The following MDGA2 variants were observed in gnomAD, a reference collection of about 807,000 sequenced individuals.
The protein encoded by MDGA2 is MAM domain containing glycosylphosphatidylinositol anchor 2.
A neutral mutation model predicts 117.8 loss-of-function variants in MDGA2; 40 were observed. The observed-to-expected ratio is 0.34, with a 90% CI of 0.26 to 0.44. MDGA2 has a LOEUF of 0.44. Among genes scored for constraint, MDGA2 ranks in the 20% least tolerant of loss-of-function variants. The pLI is 1.00. For synonymous variants in MDGA2, 452 were observed against 439.0 expected, an observed-to-expected ratio of 1.03 and a Z score of -0.37; for missense variants, 1,123 against 1,250.6, an observed-to-expected ratio of 0.90 and a Z score of 1.54.
At chr14:46,922,475 T>C (rs1160248689) in intron 9 of MDGA2, among the ~76,000 whole-genome samples, 2 of 152,144 alleles carry the variant, frequency 1.3e-5, no homozygotes, top group East Asian at 1.9e-4. Context: ...TTAAATATGG[T>C]TTAAATACGG....
intron 15 of MDGA2, among the ~76,000 whole-genome samples, chr14:46,846,590 T>A (rs536151408): frequency 2.6e-5 from 4 of 152,238 alleles, no homozygotes; most frequent in Non-Finnish European, 5.9e-5. Context: ...TCAGAATCCT[T>A]TATTATTAAA....
intron 1 of MDGA2, among the ~76,000 whole-genome samples, chr14:47,372,695 TC>T: frequency 6.6e-6 from 1 of 151,984 alleles, no homozygotes; most frequent in Non-Finnish European, 1.5e-5. Context: ...GATTCAGTCA[TC>T]CTAATTTGGG....
At chr14:47,083,378 T>G (rs1890777849) in intron 6 of MDGA2, among the ~76,000 whole-genome samples, 1 of 151,798 alleles carries the variant, frequency 6.6e-6, no homozygotes, top group African/African-American at 2.4e-5. Context: ...AACATACACT[T>G]AAAAATACTA....
At chr14:47,347,682 T>C (rs1385413810) in intron 1 of MDGA2, among the ~76,000 whole-genome samples, 1 of 152,106 alleles carries the variant, frequency 6.6e-6, no homozygotes, top group African/African-American at 2.4e-5. Context: ...GGAATGGAGA[T>C]AAAGATTTGG....
At chr14:47,486,695 A>G (rs1268381177) in intron 1 of MDGA2, among the ~76,000 whole-genome samples, 1 of 152,106 alleles carries the variant, frequency 6.6e-6, no homozygotes, top group Non-Finnish European at 1.5e-5. Context: ...TGTTCTCATA[A>G]TAGCGAATGG....
chr14:46,898,967 C>T (rs577173518), intron 10 of MDGA2, among the ~76,000 whole-genome samples: 1 of 152,142 alleles, frequency 6.6e-6, no homozygotes, highest in Middle Eastern at 3.4e-3. Context: ...CTAACAGAAT[C>T]TCTGCCCCTC....
intron 1 of MDGA2, among the ~76,000 whole-genome samples, chr14:47,444,908 T>C (rs1893090023): frequency 6.6e-6 from 1 of 152,144 alleles, no homozygotes; most frequent in Non-Finnish European, 1.5e-5. Flanking sequence ...CATAACCTAA[T>C]TGAATAGTGA....
At chr14:47,283,116 C>T (rs1336688491) in intron 2 of MDGA2, among the ~76,000 whole-genome samples, 3 of 152,056 alleles carry the variant, frequency 2.0e-5, no homozygotes, top group African/African-American at 2.4e-5. Context: ...ATATTGAATG[C>T]TTATTTTAAA....
intron 1 of MDGA2, among the ~76,000 whole-genome samples, chr14:47,588,838 C>CA: frequency 6.6e-6 from 1 of 151,960 alleles, no homozygotes; most frequent in East Asian, 1.9e-4. Context: ...CAGTTCTAGG[C>CA]AAAATGGATC....
intron 9 of MDGA2, among the ~76,000 whole-genome samples, chr14:46,954,209 A>G (rs1288630403): frequency 3.3e-5 from 5 of 151,814 alleles, no homozygotes; most frequent in African/African-American, 1.2e-4. Context: ...ACCCCTTCTC[A>G]CAACTTTGCT....
chr14:47,632,245 T>C (rs927249176), intron 1 of MDGA2, among the ~76,000 whole-genome samples: 4 of 152,332 alleles, frequency 2.6e-5, no homozygotes, highest in South Asian at 4.1e-4. Flanking sequence ...TAGAAATGAA[T>C]GGTGCCATGA....
chr14:46,996,940 G>T, intron 8 of MDGA2: 1 of 396,072 alleles, frequency 2.5e-6, no homozygotes, highest in Non-Finnish European at 4.8e-6. Flanking sequence ...CCCAGGAATG[G>T]GTGAAGTAGG....
chr14:46,960,645 T>C (rs1885757711), intron 8 of MDGA2: 2 of 152,048 alleles, frequency 1.3e-5, no homozygotes, highest in Admixed American at 1.3e-4. Context: ...TGTGTGTGTA[T>C]ACATTTTTAT....
intron 6 of MDGA2, among the ~76,000 whole-genome samples, chr14:47,072,065 G>A (rs969130156): frequency 3.2e-5 from 4 of 123,818 alleles, no homozygotes; most frequent in Admixed American, 1.1e-4. Context: ...TATATTCTAC[G>A]AAAATGACCC....
intron 3 of MDGA2, among the ~76,000 whole-genome samples, chr14:47,144,799 C>T (rs1259664165): frequency 6.9e-6 from 1 of 144,890 alleles, no homozygotes; most frequent in Non-Finnish European, 1.5e-5. Flanking sequence ...CAGGCATGTG[C>T]TACCATGCCC....
At chr14:46,952,786 T>C (rs889506018) in intron 9 of MDGA2, among the ~76,000 whole-genome samples, 6 of 151,966 alleles carry the variant, frequency 3.9e-5, no homozygotes, top group Non-Finnish European at 5.9e-5. Context: ...GAAGGCAGCA[T>C]AGTCAAATTT....
chr14:46,993,447 T>A (rs1462448899), intron 8 of MDGA2, among the ~76,000 whole-genome samples: 1 of 141,218 alleles, frequency 7.1e-6, no homozygotes, highest in Non-Finnish European at 1.6e-5. Flanking sequence ...ATCACTTTTT[T>A]TCTATTTTTT....
At chr14:46,848,300 G>A (rs979329021) in intron 15 of MDGA2, among the ~76,000 whole-genome samples, 4 of 151,870 alleles carry the variant, frequency 2.6e-5, no homozygotes, top group African/African-American at 9.7e-5. Context: ...AAAGTTTGAA[G>A]AAAATACACT....
At chr14:46,874,003 A>G in intron 13 of MDGA2, 42 bp downstream of exon 13, 5 of 1,468,390 alleles carry the variant, frequency 3.4e-6, no homozygotes, top group Non-Finnish European at 4.5e-6. Context: ...AGTTTTTAAA[A>G]GTCTCTGATT....
Sources: gnomAD v4.1 joint callset for allele counts (sites outside exome capture counted in the v4.1 genomes callset) on GRCh38, gnomAD v4.1.1 for gene constraint, MANE v1.5 for transcripts, NCBI Gene and HGNC (gene_info 2026-07-23, HGNC 2026-07-21) for gene names.